The following MTHFD2L variants were observed in gnomAD, a reference collection of about 807,000 sequenced individuals.
MTHFD2L encodes bifunctional methylenetetrahydrofolate dehydrogenase/cyclohydrolase 2, mitochondrial.
Under a neutral mutation model 34.9 loss-of-function variants are expected in MTHFD2L, and 29 were observed. The observed-to-expected ratio is 0.83, with a 90% confidence interval of 0.62 to 1.13. The LOEUF (loss-of-function observed/expected upper bound fraction) is 1.13, where lower values mean the gene tolerates loss of function less well. Among genes scored for constraint, MTHFD2L ranks in the 50% most tolerant of loss-of-function variants. MTHFD2L has a pLI of 0.00. For synonymous variants in MTHFD2L, 167 were observed against 155.7 expected, an observed-to-expected ratio of 1.07 and a Z score of -0.54; for missense variants, 481 against 446.5, an observed-to-expected ratio of 1.08 and a Z score of -0.70.
At chr4:74,154,771 G>T, upstream of MTHFD2L, among the ~76,000 whole-genome samples, 1 of 152,106 alleles carries the variant, frequency 6.6e-6, no homozygotes, top group Non-Finnish European at 1.5e-5. Flanking sequence ...ACCAATATCT[G>T]GGCTGAAGGT....
intron 5 of MTHFD2L, among the ~76,000 whole-genome samples, chr4:74,217,539 G>GT (rs2110100120): frequency 6.6e-6 from 1 of 151,790 alleles, no homozygotes; most frequent in East Asian, 1.9e-4. Flanking sequence ...ACCGTGACAT[G>GT]AACTAATATA....
chr4:74,265,407 C>T (rs920373037), intron 6 of MTHFD2L, among the ~76,000 whole-genome samples: 1 of 152,148 alleles, frequency 6.6e-6, no homozygotes, highest in African/African-American at 2.4e-5. Flanking sequence ...TAAGTGGAAA[C>T]GTGCAAGACC....
intron 1 of MTHFD2L, among the ~76,000 whole-genome samples, chr4:74,143,084 G>T (rs940436505): frequency 7.3e-5 from 11 of 150,028 alleles, no homozygotes; most frequent in African/African-American, 2.5e-4. Context: ...TGGTGTAGAT[G>T]TCCACACTGT....
intron 6 of MTHFD2L, among the ~76,000 whole-genome samples, chr4:74,248,090 G>A (rs1306226721): frequency 1.3e-5 from 2 of 151,712 alleles, no homozygotes; most frequent in East Asian, 1.9e-4. Flanking sequence ...GTAGAATTCG[G>A]CTGTGAATCC....
At chr4:74,122,353 CAGG>C (rs1248986445), upstream of MTHFD2L, among the ~76,000 whole-genome samples, 3 of 152,234 alleles carry the variant, frequency 2.0e-5, no homozygotes, top group African/African-American at 7.2e-5. Context: ...CACATGGTGA[CAGG>C]AGAGAGAGAG....
At chr4:74,170,564 G>GC (rs1355429701) in intron 1 of MTHFD2L, among the ~76,000 whole-genome samples, 3 of 151,960 alleles carry the variant, frequency 2.0e-5, no homozygotes, top group African/African-American at 4.8e-5. Context: ...CTAAAAGCAT[G>GC]GTCCATAAAA....
chr4:74,228,257 C>T (rs902350019), intron 6 of MTHFD2L, among the ~76,000 whole-genome samples: 2 of 152,154 alleles, frequency 1.3e-5, no homozygotes, highest in African/African-American at 4.8e-5. Context: ...ACCTTCATGG[C>T]AGATAAGTAT....
chr4:74,219,934 A>G (rs1461318476), intron 5 of MTHFD2L, among the ~76,000 whole-genome samples: 1 of 152,118 alleles, frequency 6.6e-6, no homozygotes, highest in Non-Finnish European at 1.5e-5. Context: ...TTCCACGCAG[A>G]TTGAAATTTA....
chr4:74,223,585 TA>T (rs1235052350), intron 5 of MTHFD2L, among the ~76,000 whole-genome samples: 1 of 151,952 alleles, frequency 6.6e-6, no homozygotes, highest in African/African-American at 2.4e-5. Context: ...CTTACCTATA[TA>T]GCAAACCTGC....
At chr4:74,285,854 A>G (rs1748105782) in intron 7 of MTHFD2L, among the ~76,000 whole-genome samples, 2 of 152,206 alleles carry the variant, frequency 1.3e-5, no homozygotes, top group East Asian at 3.9e-4. Context: ...ATTCATATCC[A>G]ATGCCATAAT....
At chr4:74,232,802 G>A (rs763115186) in intron 6 of MTHFD2L, among the ~76,000 whole-genome samples, 2 of 152,006 alleles carry the variant, frequency 1.3e-5, no homozygotes, top group Non-Finnish European at 1.5e-5. Flanking sequence ...CACCATGTAC[G>A]TGCTTCTTCA....
chr4:74,268,186 G>A (rs1005216527), intron 6 of MTHFD2L: 4 of 982,876 alleles, frequency 4.1e-6, no homozygotes, highest in African/African-American at 3.6e-5. Flanking sequence ...TGAGGTTTTT[G>A]TATTACTAAT....
intron 5 of MTHFD2L, among the ~76,000 whole-genome samples, chr4:74,222,563 A>G (rs1246948059): frequency 6.6e-6 from 1 of 152,132 alleles, no homozygotes; most frequent in Non-Finnish European, 1.5e-5. Context: ...CCATTTCAAC[A>G]TAAGTTTGGG....
At chr4:74,154,950 C>T (rs1724152537), upstream of MTHFD2L, among the ~76,000 whole-genome samples, 1 of 152,134 alleles carries the variant, frequency 6.6e-6, no homozygotes, top group Non-Finnish European at 1.5e-5. Context: ...AATCCATTAT[C>T]ATATGGATTA....
intron 6 of MTHFD2L, among the ~76,000 whole-genome samples, chr4:74,269,182 C>T (rs951224325): frequency 6.6e-6 from 1 of 152,140 alleles, no homozygotes; most frequent in African/African-American, 2.4e-5. Flanking sequence ...ATTATCATCT[C>T]AATTACTTTT....
At chr4:74,152,196 G>A (rs1405108603) in intron 1 of MTHFD2L, among the ~76,000 whole-genome samples, 1 of 151,614 alleles carries the variant, frequency 6.6e-6, no homozygotes, top group Non-Finnish European at 1.5e-5. Flanking sequence ...TTTAAATTGG[G>A]TTTGAATATA....
At chr4:74,192,237 T>G (rs887415189) in intron 3 of MTHFD2L, among the ~76,000 whole-genome samples, 2 of 152,182 alleles carry the variant, frequency 1.3e-5, no homozygotes, top group African/African-American at 4.8e-5. Flanking sequence ...ACAGGTTGTA[T>G]TTTTATCTGA....
intron 7 of MTHFD2L, among the ~76,000 whole-genome samples, chr4:74,296,354 G>T (rs993751616): frequency 1.3e-5 from 2 of 152,126 alleles, no homozygotes; most frequent in Non-Finnish European, 2.9e-5. Context: ...GGAGCCAAGA[G>T]GCTACTGTAG....
intron 1 of MTHFD2L, among the ~76,000 whole-genome samples, chr4:74,126,212 T>G (rs981897322): frequency 6.6e-6 from 1 of 152,214 alleles, no homozygotes; most frequent in Non-Finnish European, 1.5e-5. Flanking sequence ...GATTTTATTA[T>G]AACTTATTTG....
Sources: gnomAD v4.1 joint callset for allele counts (sites outside exome capture counted in the v4.1 genomes callset) on GRCh38, gnomAD v4.1.1 for gene constraint, MANE v1.5 for transcripts, NCBI Gene and HGNC (gene_info 2026-07-23, HGNC 2026-07-21) for gene names.